The following C1orf146 variants were observed in gnomAD, a reference collection of about 807,000 sequenced individuals.
The protein encoded by C1orf146 is chromosome 1 open reading frame 146.
In C1orf146, 22 loss-of-function variants were observed where a neutral mutation model predicts 23.0. That is an observed-to-expected ratio of 0.96 (90% confidence interval 0.68 to 1.36). The LOEUF is 1.36. Among genes scored for constraint, C1orf146 ranks in the 40% most tolerant of loss-of-function variants. The pLI is 0.00. For synonymous variants in C1orf146, 59 were observed against 65.3 expected, an observed-to-expected ratio of 0.90 and a Z score of 0.47; for missense variants, 199 against 206.8, an observed-to-expected ratio of 0.96 and a Z score of 0.23.
chr1:92,237,906 T>C (rs1372023267), intron 2 of C1orf146, among the ~76,000 whole-genome samples: 1 of 152,210 alleles, frequency 6.6e-6, no homozygotes, highest in African/African-American at 2.4e-5. Flanking sequence ...ATTTTCTTCC[T>C]TATGAGTGAT....
chr1:92,238,684 A>G (rs967091768), intron 2 of C1orf146, among the ~76,000 whole-genome samples: 1 of 151,996 alleles, frequency 6.6e-6, no homozygotes, highest in African/African-American at 2.4e-5. Context: ...ATTGAAATTC[A>G]TTAGCATGAT....
At chr1:92,242,077 ATTTAT>A (rs1490770538) in intron 2 of C1orf146, 130 bp from the exon 3 acceptor site, 8 of 477,370 alleles carry the variant, frequency 1.7e-5, no homozygotes, top group Non-Finnish European at 2.9e-5. Context: ...TAGAAAGCAT[ATTTAT>A]TTATCTTTTG....
chr1:92,239,955 A>C (rs893538850), intron 2 of C1orf146, among the ~76,000 whole-genome samples: 1 of 152,224 alleles, frequency 6.6e-6, no homozygotes. Flanking sequence ...TATCCTATAC[A>C]TCTAGAGTGT....
Position 92,245,758 on chromosome 1 carries a change from A to G in C1orf146, c.*84A>G. On this transcript the variant is annotated 3_prime_UTR_variant, in exon 6 of 6. Transcript: ENST00000370375. ...AATATTCAAATATCTATTTAAAGAC[A>G]TTTATATTAATTTGAAATAATAACA... is the stretch of plus-strand genomic sequence containing the variant. 1 of 802,360 alleles carries G rather than the reference A, an allele frequency of 1.2e-6. No individual in the cohort carries two copies. Among genetic ancestry groups the G allele is most frequent in the Non-Finnish European group, 1.9e-6 (1 of 539,616 alleles). The allele number at this position is 802,360 out of a possible 1,614,324, so 49.7% of individuals were successfully genotyped here.
chr1:92,235,360 A>G (rs9440075), intron 2 of C1orf146, among the ~76,000 whole-genome samples: 88,182 of 151,770 alleles, frequency 0.58, 28,036 homozygotes, highest in East Asian at 0.96. Context: ...CCTTCATTTC[A>G]TTATGTACCC....
intron 2 of C1orf146, among the ~76,000 whole-genome samples, chr1:92,233,168 A>C (rs1652177232): frequency 6.6e-6 from 1 of 152,036 alleles, no homozygotes; most frequent in South Asian, 2.1e-4. Flanking sequence ...GGTATTGTAG[A>C]CGTGAAGTCC....
Position 92,219,667 on chromosome 1 carries a change from A to G in C1orf146, c.-40+1619A>G, listed in dbSNP as rs968108826. On this transcript the variant is annotated intron_variant, in intron 1 of 5. Coordinates refer to ENST00000370375, the MANE Select transcript of C1orf146 (RefSeq NM_001012425.2). ...CCCACTGTTTAATATTTTTAGAGAC[A>G]GGGTCTTGCTATGTTGCCCAGGCTG... Among the ~76,000 whole-genome samples, 3 of 152,000 alleles carry G rather than the reference A, an allele frequency of 2.0e-5. No individual in the cohort carries two copies. In the South Asian group the frequency reaches 6.2e-4, roughly 32 times the overall value.
intron 2 of C1orf146, among the ~76,000 whole-genome samples, chr1:92,235,318 C>A (rs1440035727): frequency 6.6e-6 from 1 of 152,080 alleles, no homozygotes; most frequent in Non-Finnish European, 1.5e-5. Context: ...CGTCTTTGTT[C>A]TCATTGGTTT....
chr1:92,237,750 C>T (rs750633219), intron 2 of C1orf146, among the ~76,000 whole-genome samples: 2 of 152,192 alleles, frequency 1.3e-5, no homozygotes, highest in African/African-American at 2.4e-5. Flanking sequence ...TTTTTACAAA[C>T]ATTTGCCCAT....
At chr1:92,234,934 A>T (rs1652238979) in intron 2 of C1orf146, among the ~76,000 whole-genome samples, 1 of 152,124 alleles carries the variant, frequency 6.6e-6, no homozygotes, top group African/African-American at 2.4e-5. Flanking sequence ...GGTAGTTTGT[A>T]TTTCTGTGGG....
At chr1:92,238,688 G>A in intron 2 of C1orf146, among the ~76,000 whole-genome samples, 1 of 151,820 alleles carries the variant, frequency 6.6e-6, no homozygotes, top group Non-Finnish European at 1.5e-5. Context: ...AAATTCATTA[G>A]CATGATATTT....
intron 5 of C1orf146, 120 bp downstream of exon 5, chr1:92,244,977 C>T: frequency 3.4e-6 from 2 of 595,110 alleles, no homozygotes; most frequent in East Asian, 2.9e-5. Context: ...GCGGGAGTTG[C>T]TGTTTCAGGG....
At chr1:92,219,655 AT>A (rs1651773713) in intron 1 of C1orf146, among the ~76,000 whole-genome samples, 1 of 151,488 alleles carries the variant, frequency 6.6e-6, no homozygotes, top group South Asian at 2.1e-4. Flanking sequence ...ACTGTTTAAT[AT>A]TTTTAGAGAC....
At chr1:92,238,422 A>G (rs937070537) in intron 2 of C1orf146, among the ~76,000 whole-genome samples, 4 of 152,262 alleles carry the variant, frequency 2.6e-5, no homozygotes, top group African/African-American at 9.6e-5. Context: ...AACCCCAAAA[A>G]GAGATGAGAT....
At chr1:92,220,165 C>T (rs115320972) in intron 1 of C1orf146, among the ~76,000 whole-genome samples, 1,610 of 152,190 alleles carry the variant, frequency 0.011, 28 homozygotes, top group African/African-American at 0.037. Context: ...GTCCTAGAAT[C>T]GACCATTTCT....
chr1:92,223,115 A>C (rs1373256078), intron 1 of C1orf146, among the ~76,000 whole-genome samples: 1 of 152,168 alleles, frequency 6.6e-6, no homozygotes, highest in Non-Finnish European at 1.5e-5. Context: ...ACTACAAATA[A>C]ATCATTCATG....
chr1:92,231,321 T>G, intron 1 of C1orf146, 61 bp from the exon 2 acceptor site: 1 of 771,378 alleles, frequency 1.3e-6, no homozygotes, highest in South Asian at 1.9e-5. Context: ...TTTATTTCCA[T>G]CTTTAATTTA....
intron 1 of C1orf146, among the ~76,000 whole-genome samples, chr1:92,230,632 C>T (rs6604085): frequency 0.86 from 130,130 of 150,676 alleles, 56,609 homozygotes; most frequent in East Asian, 1. Context: ...AAAAAAAAAT[C>T]AGCCAGGCAT....
chr1:92,243,552 G>A (rs564377758), intron 3 of C1orf146, among the ~76,000 whole-genome samples: 2 of 152,204 alleles, frequency 1.3e-5, no homozygotes, highest in East Asian at 3.9e-4. Flanking sequence ...TCACCATGTT[G>A]GTCAGGCTGG....
Sources: allele counts gnomAD v4.1 joint callset (sites outside exome capture counted in the v4.1 genomes callset), GRCh38; gene constraint gnomAD v4.1.1; transcripts MANE v1.5; gene names NCBI Gene and HGNC (gene_info 2026-07-23, HGNC 2026-07-21).